ASTN2: variants seen among roughly 807,000 people sequenced by gnomAD.
ASTN2 encodes the protein astrotactin-2.
ASTN2 carries 54 observed loss-of-function variants against 139.8 expected under a neutral mutation model. The observed-to-expected ratio is 0.39, with a 90% confidence interval of 0.31 to 0.48. ASTN2 has a LOEUF of 0.48. ASTN2 is among the 20% of genes least tolerant of loss of function. The pLI is 0.95. For synonymous variants in ASTN2, 756 were observed against 719.5 expected, an observed-to-expected ratio of 1.05 and a Z score of -0.81; for missense variants, 1,565 against 1,725.1, an observed-to-expected ratio of 0.91 and a Z score of 1.64.
chr9:117,327,691 G>A (rs771938117), intron 1 of ASTN2, among the ~76,000 whole-genome samples: 7 of 152,142 alleles, frequency 4.6e-5, no homozygotes, highest in East Asian at 3.9e-4. Context: ...TGAAGAAACC[G>A]ATGCAGAAGT....
rs1837414391 is a variant in ASTN2 at position 117,008,195 on chromosome 9, C to T, written c.1488G>A (p.Lys496=). ...LDISDWLNPA[K]LSLYYQINAT... ...CATTGATCTGGTAATACAGGGAAAG[C>T]TTGGCCGGGTTTAACCAGTCGGAGA... is the stretch of plus-strand genomic sequence containing the variant. The change falls in exon 7 of 23, where the codon AAG becomes AAA. Residue 496 remains lysine (K), a synonymous_variant. Coordinates refer to ENST00000313400, the MANE Select transcript of ASTN2 (RefSeq NM_001365068.1). 7 of 1,611,850 alleles carry T rather than the reference C, an allele frequency of 4.3e-6. No individual in the cohort carries two copies. Among genetic ancestry groups the T allele is most frequent in the Non-Finnish European group, 5.9e-6 (7 of 1,178,996 alleles).
At chr9:117,386,797 C>T (rs560207351) in intron 1 of ASTN2, among the ~76,000 whole-genome samples, 12 of 152,244 alleles carry the variant, frequency 7.9e-5, no homozygotes, top group African/African-American at 2.9e-4. Flanking sequence ...GCTGCAGCAC[C>T]CTCCTTGGCT....
intron 19 of ASTN2, among the ~76,000 whole-genome samples, chr9:116,542,932 C>G (rs2012273): frequency 6.6e-6 from 1 of 151,736 alleles, no homozygotes; most frequent in African/African-American, 2.4e-5. Flanking sequence ...AAAAACAAAA[C>G]AAAACAAAAG....
rs371069074 is a variant in ASTN2 at position 116,442,502 on chromosome 9, C to G, written c.3549G>C (p.Thr1183=). 6.2e-7 allele frequency: 1 copy of G among 1,614,090 alleles called. No individual in the cohort carries two copies. Among genetic ancestry groups the G allele is most frequent in the Non-Finnish European group, 8.5e-7 (1 of 1,180,020 alleles). Residue 1183 remains threonine, a synonymous_variant, in exon 21 of 23, where the codon ACG becomes ACC. Transcript: ENST00000313400. ...DTRGRHSELS[T]VTLRTACPLV... ...GTGGACAGGCCGTCCTCAGGGTCAC[C>G]GTGCTTAGCTCTGAGTGCCTCCCTC...
chr9:116,651,590 G>A lies in ASTN2; in HGVS notation c.3010C>T (p.Leu1004=). 6.2e-7 allele frequency: 1 copy of A among 1,614,222 alleles called. No individual in the cohort carries two copies. Among genetic ancestry groups the A allele is most frequent in the Non-Finnish European group, 8.5e-7 (1 of 1,180,046 alleles). ...GKEQLSPTPV[L]LEINRVVPLY... The stretch of plus-strand genomic sequence containing the variant: ...GGCACCACACGGTTGATTTCCAGCA[G>A]CACTGGTGTGGGGCTCAGCTGCTCC... The change falls in exon 17 of 23, where the codon CTG becomes TTG. Residue 1004 remains leucine, a synonymous_variant. Coordinates refer to ENST00000313400, the MANE Select transcript of ASTN2 (RefSeq NM_001365068.1).
chr9:116,456,113 G>A (rs1848325694), intron 20 of ASTN2, among the ~76,000 whole-genome samples: 1 of 151,874 alleles, frequency 6.6e-6, no homozygotes, highest in African/African-American at 2.4e-5. Context: ...TATATTTGAA[G>A]ACACCTAAGA....
intron 13 of ASTN2, among the ~76,000 whole-genome samples, chr9:116,790,800 G>A (rs1191031339): frequency 6.6e-6 from 1 of 150,478 alleles, no homozygotes; most frequent in Non-Finnish European, 1.5e-5. Flanking sequence ...TCAGCCTCCC[G>A]AGTAGCTGGG....
intron 19 of ASTN2, among the ~76,000 whole-genome samples, chr9:116,565,383 CTCTCCATATATATATATATA>C (rs1487059138): frequency 0.091 from 3,260 of 35,946 alleles, 127 homozygotes; most frequent in Admixed American, 0.11. Context: ...CTCTCTCTCT[CTCTCCATATATATATATATA>C]TATATATATA....
At chr9:117,399,790 G>C (rs2130959396) in intron 1 of ASTN2, among the ~76,000 whole-genome samples, 1 of 152,236 alleles carries the variant, frequency 6.6e-6, no homozygotes, top group South Asian at 2.1e-4. Context: ...GGTTGAATTG[G>C]TTTAGATTAG....
At chr9:116,624,900 C>G (rs1020195935) in intron 17 of ASTN2, among the ~76,000 whole-genome samples, 6 of 152,094 alleles carry the variant, frequency 3.9e-5, no homozygotes, top group Non-Finnish European at 5.9e-5. Context: ...CCCACTGGCT[C>G]CATTTTAGGG....
intron 19 of ASTN2, among the ~76,000 whole-genome samples, chr9:116,529,531 G>A (rs1015468490): frequency 6.6e-6 from 1 of 152,146 alleles, no homozygotes; most frequent in African/African-American, 2.4e-5. Context: ...ATGCTGGAAT[G>A]TTGTGAAGGC....
At chr9:116,883,390 G>C (rs1833504863) in intron 10 of ASTN2, among the ~76,000 whole-genome samples, 1 of 152,170 alleles carries the variant, frequency 6.6e-6, no homozygotes, top group Non-Finnish European at 1.5e-5. Context: ...ACAGCAGTGA[G>C]ACTACATGGT....
chr9:116,917,448 T>G (rs544503383), intron 10 of ASTN2, among the ~76,000 whole-genome samples: 1 of 152,338 alleles, frequency 6.6e-6, no homozygotes, highest in South Asian at 2.1e-4. Context: ...GACCCATCAA[T>G]GTTTACTGAG....
chr9:117,414,811 G>A lies in ASTN2; in HGVS notation c.128C>T (p.Pro43Leu), dbSNP rs1190148168. The A allele has an allele frequency of 8.2e-6, 10 of 1,221,488 alleles. No homozygotes were observed. The highest frequency in any genetic ancestry group is 3.3e-4 in the Middle Eastern group (1 of 3,034). 75.7% of individuals were successfully genotyped at this position (1,221,488 alleles called of 1,614,324 possible). The change falls in exon 1 of 23, where the codon CCG becomes CTG. Residue 43 changes from proline to leucine, a missense_variant. Pro to Leu is a moderately conservative substitution (Grantham distance 98, BLOSUM62 -3). Around this residue, in one of 4 missense-constraint regions of ASTN2, gnomAD observed 596 missense variants for 576.8 expected, o/e 1.03. Transcript: ENST00000313400. The surrounding 1 kb of genome is among the most constrained non-coding windows in gnomAD (Gnocchi z 4.2). ...PLLLLFLLLL[P>L]PPPLLAGATA... ...GGCGCCGGCCAGCAGCGGCGGCGGC[G>A]GCAGCAGGAGCAGGAACAGCAGCAG...
At position 117,070,980 on chromosome 9, in the gene ASTN2, T is replaced by C. The variant is rs1828104541; in HGVS notation, c.1276+25064A>G. Among the ~76,000 whole-genome samples, 3 of 148,370 alleles carry C rather than the reference T, an allele frequency of 2.0e-5. No homozygotes were observed. In the South Asian group the frequency reaches 6.6e-4, roughly 33 times the overall value. On this transcript the variant is annotated intron_variant, in intron 5 of 22. Transcript: ENST00000313400. ...ATGTCCTCCCGTAGCTCAGAGTAATTTGATCATCTGAAGCCTTCTTCTCTC... is the reference window on the plus strand; with the variant it reads ...ATGTCCTCCCGTAGCTCAGAGTAATCTGATCATCTGAAGCCTTCTTCTCTC...
chr9:117,008,047 C>T (rs1026525402), intron 7 of ASTN2, 45 bp downstream of exon 7: 2 of 1,496,460 alleles, frequency 1.3e-6, no homozygotes, highest in Non-Finnish European at 8.9e-7. Context: ...TCTTTCAACC[C>T]AGCCTCTCCC....
At chr9:117,227,693 G>C (rs1352937514) in intron 2 of ASTN2, among the ~76,000 whole-genome samples, 1 of 152,126 alleles carries the variant, frequency 6.6e-6, no homozygotes, top group Non-Finnish European at 1.5e-5. Context: ...AGGGGTACTG[G>C]GTATAGGGAT....
intron 10 of ASTN2, among the ~76,000 whole-genome samples, chr9:116,972,980 C>A (rs1836251494): frequency 6.6e-6 from 1 of 152,168 alleles, no homozygotes; most frequent in South Asian, 2.1e-4. Context: ...CTGACTGGAA[C>A]TTATTAATTC....
chr9:116,821,708 T>C (rs1831488852), intron 11 of ASTN2, among the ~76,000 whole-genome samples: 1 of 152,052 alleles, frequency 6.6e-6, no homozygotes, highest in Non-Finnish European at 1.5e-5. Flanking sequence ...TGCTTGGCCA[T>C]ATGCACAGCC....
Sources: allele counts gnomAD v4.1 joint callset (sites outside exome capture counted in the v4.1 genomes callset), GRCh38; gene constraint gnomAD v4.1.1; regional missense constraint gnomAD v4.1.1; non-coding constraint Gnocchi (gnomAD v3.1); transcripts MANE v1.5; gene names NCBI Gene and HGNC (gene_info 2026-07-23, HGNC 2026-07-21).